The following CNTNAP2 variants were observed in gnomAD, a reference collection of about 807,000 sequenced individuals.
The protein encoded by CNTNAP2 is contactin-associated protein-like 2.
A neutral mutation model predicts 155.2 loss-of-function variants in CNTNAP2; 98 were observed. The ratio of observed to expected loss-of-function variants is 0.63; its 90% CI spans 0.54 to 0.75. CNTNAP2 has a LOEUF of 0.75. Ranked by LOEUF, CNTNAP2 falls within the 30% of genes least tolerant of loss-of-function variation. CNTNAP2 has a pLI of 0.00. For missense variants in CNTNAP2, 1,727 were observed against 1,688.1 expected (o/e 1.02, Z -0.40); for synonymous variants, 651 against 631.2 (o/e 1.03, Z -0.47).
intron 1 of CNTNAP2, among the ~76,000 whole-genome samples, chr7:146,642,379 A>G (rs185503841): frequency 0.025 from 3,450 of 140,772 alleles, 44 homozygotes; most frequent in Middle Eastern, 0.056. Flanking sequence ...TCATTCTTCA[A>G]TTCCCACCTA....
At chr7:147,875,228 A>T (rs1799403214) in intron 13 of CNTNAP2, among the ~76,000 whole-genome samples, 1 of 152,146 alleles carries the variant, frequency 6.6e-6, no homozygotes, top group Non-Finnish European at 1.5e-5. Context: ...CATACCCAAG[A>T]CTGGGTAATT....
At chr7:146,579,068 A>T (rs1376826901) in intron 1 of CNTNAP2, among the ~76,000 whole-genome samples, 1 of 152,046 alleles carries the variant, frequency 6.6e-6, no homozygotes, top group East Asian at 1.9e-4. Context: ...TTTTGCTGGG[A>T]AAAAAGGTCT....
intron 1 of CNTNAP2, among the ~76,000 whole-genome samples, chr7:146,620,575 G>C (rs1799300603): frequency 6.6e-6 from 1 of 152,268 alleles, no homozygotes; most frequent in East Asian, 1.9e-4. Context: ...ATAAAATACA[G>C]AGAATGTTTT....
chr7:147,182,529 C>A (rs146343805), intron 8 of CNTNAP2, among the ~76,000 whole-genome samples: 73 of 152,068 alleles, frequency 4.8e-4, no homozygotes, highest in South Asian at 8.3e-4. Flanking sequence ...ATTTGATTTG[C>A]AGTCCTTTCC....
At chr7:146,453,582 G>GA (rs559693499) in intron 1 of CNTNAP2, among the ~76,000 whole-genome samples, 128 of 152,152 alleles carry the variant, frequency 8.4e-4, no homozygotes, top group African/African-American at 2.9e-3. Flanking sequence ...AGAATGAGGA[G>GA]AAAAAAATCC....
At chr7:148,331,266 ATGG>A (rs1437456061) in intron 21 of CNTNAP2, among the ~76,000 whole-genome samples, 1 of 135,742 alleles carries the variant, frequency 7.4e-6, no homozygotes, top group African/African-American at 2.8e-5. Context: ...GGATGGATGG[ATGG>A]AGTGGACGGA....
chr7:146,202,285 T>C (rs1451005158), intron 1 of CNTNAP2, among the ~76,000 whole-genome samples: 1 of 152,166 alleles, frequency 6.6e-6, no homozygotes, highest in Non-Finnish European at 1.5e-5. Context: ...TAACCTACAT[T>C]ATCTGATTTC....
chr7:146,930,824 C>CA (rs1280104116), intron 3 of CNTNAP2, among the ~76,000 whole-genome samples: 1 of 151,994 alleles, frequency 6.6e-6, no homozygotes, highest in African/African-American at 2.4e-5. Context: ...CAACAAAGAT[C>CA]AAAAGAGACA....
At chr7:148,090,154 A>G (rs1803810844) in intron 15 of CNTNAP2, among the ~76,000 whole-genome samples, 1 of 152,092 alleles carries the variant, frequency 6.6e-6, no homozygotes, top group Non-Finnish European at 1.5e-5. Context: ...TAAAGCTACT[A>G]GAACAAAACA....
chr7:147,023,098 AG>A (rs1021973915), intron 3 of CNTNAP2, among the ~76,000 whole-genome samples: 4 of 152,180 alleles, frequency 2.6e-5, no homozygotes, highest in African/African-American at 9.7e-5. Context: ...TTTGCATAAA[AG>A]ATTGAAGCTT....
intron 11 of CNTNAP2, among the ~76,000 whole-genome samples, chr7:147,546,069 TA>T (rs1480121081): frequency 6.6e-6 from 1 of 152,182 alleles, no homozygotes; most frequent in East Asian, 1.9e-4. Flanking sequence ...CCTTCTTTTA[TA>T]AATTACCCAG....
rs1329725574 is a variant in CNTNAP2 at position 146,478,907 on chromosome 7, G to A, written c.98-295364G>A. 4.6e-5 allele frequency among the ~76,000 whole-genome samples: 7 copies of A among 152,198 alleles called. No individual in the cohort carries two copies. The East Asian group carries it at 1.4e-3, about 29-fold the overall frequency. On this transcript the variant is annotated intron_variant, in intron 1 of 23. Transcript: ENST00000361727. ...ATGTAAATTAAAGATGGTGTCTACT[G>A]CCTAAGTAATTATTACAACAAATAG...
intron 5 of CNTNAP2, among the ~76,000 whole-genome samples, chr7:147,109,930 TTTAC>T (rs1419005866): frequency 2.0e-4 from 28 of 138,972 alleles, no homozygotes; most frequent in Admixed American, 1.2e-3. Context: ...TATTTATTTA[TTTAC>T]TTATTTTTGA....
intron 2 of CNTNAP2, among the ~76,000 whole-genome samples, chr7:146,794,450 A>G (rs944412739): frequency 5.9e-5 from 9 of 152,228 alleles, no homozygotes; most frequent in Non-Finnish European, 1.3e-4. Context: ...CATTAAAAAT[A>G]AAAATCATTG....
At chr7:147,552,857 A>C (rs1043435274) in intron 11 of CNTNAP2, among the ~76,000 whole-genome samples, 1 of 152,206 alleles carries the variant, frequency 6.6e-6, no homozygotes, top group Non-Finnish European at 1.5e-5. Context: ...CTATTAAATA[A>C]TTGCTTTGAG....
chr7:147,949,105 G>A (rs1800874206), intron 14 of CNTNAP2, among the ~76,000 whole-genome samples: 2 of 151,876 alleles, frequency 1.3e-5, no homozygotes, highest in African/African-American at 4.8e-5. Context: ...GGAGGCTGAG[G>A]CAGGAGAATC....
chr7:146,730,930 A>G (rs1359210781), intron 1 of CNTNAP2, among the ~76,000 whole-genome samples: 1 of 152,140 alleles, frequency 6.6e-6, no homozygotes, highest in Non-Finnish European at 1.5e-5. Context: ...TCCATTTTCA[A>G]AGGAACCTTC....
At chr7:146,195,556 A>G (rs1042249993) in intron 1 of CNTNAP2, among the ~76,000 whole-genome samples, 12 of 152,208 alleles carry the variant, frequency 7.9e-5, no homozygotes, top group African/African-American at 2.9e-4. Flanking sequence ...ACACTAAATT[A>G]TAGATTCAGA....
At chr7:147,876,961 G>A (rs958747403) in intron 13 of CNTNAP2, among the ~76,000 whole-genome samples, 12 of 152,060 alleles carry the variant, frequency 7.9e-5, no homozygotes, top group African/African-American at 2.9e-4. Context: ...AGGGAGTGAA[G>A]ATTTGTTGTG....
Sources: allele counts gnomAD v4.1 joint callset (sites outside exome capture counted in the v4.1 genomes callset), GRCh38; gene constraint gnomAD v4.1.1; transcripts MANE v1.5; gene names NCBI Gene and HGNC (gene_info 2026-07-23, HGNC 2026-07-21).